Variants in CFAP43 observed in about 807,000 individuals in gnomAD.
CFAP43 encodes the protein cilia- and flagella-associated protein 43.
CFAP43 carries 155 observed loss-of-function variants against 218.9 expected under a neutral mutation model. That is an observed-to-expected ratio of 0.71 (90% CI 0.62 to 0.81). The LOEUF (loss-of-function observed/expected upper bound fraction) is 0.81. Ranked by LOEUF, CFAP43 falls within the 30% of genes least tolerant of loss-of-function variation. CFAP43 has a pLI of 0.00. For synonymous variants in CFAP43, 645 were observed against 681.3 expected, an observed-to-expected ratio of 0.95 and a Z score of 0.83; for missense variants, 1,778 against 1,954.3, an observed-to-expected ratio of 0.91 and a Z score of 1.70.
intron 27 of CFAP43, among the ~76,000 whole-genome samples, chr10:104,157,440 G>T (rs940237378): frequency 6.6e-6 from 1 of 152,162 alleles, no homozygotes; most frequent in Non-Finnish European, 1.5e-5. Flanking sequence ...GACATTATGC[G>T]TTGTGCTCAT....
rs192789668 is a variant in CFAP43 at position 104,167,950 on chromosome 10, G to A, written c.2692-213C>T. Among the ~76,000 whole-genome samples, 5 of 152,210 alleles carry A rather than the reference G, an allele frequency of 3.3e-5. No homozygotes were observed. The East Asian group carries it at 9.6e-4, about 29-fold the overall frequency. ...ATAAAATACTGTGCTTTTGTGAAGG[G>A]CTGATTTTTAGGTCAGTAGTTCTCA... On this transcript the variant is annotated intron_variant, in intron 21 of 37. Coordinates refer to ENST00000357060, the MANE Select transcript of CFAP43 (RefSeq NM_025145.7).
At chr10:104,164,032 A>C (rs1222610282) in intron 24 of CFAP43, 62 bp downstream of exon 24, 2 of 1,562,650 alleles carry the variant, frequency 1.3e-6, no homozygotes, top group African/African-American at 1.4e-5. Context: ...CAAGTTGAAC[A>C]AATAGGAGCT....
At chr10:104,179,956 G>A (rs932407360) in intron 17 of CFAP43, 24 bp from the exon 18 acceptor site, 2 of 1,572,510 alleles carry the variant, frequency 1.3e-6, no homozygotes, top group African/African-American at 2.7e-5. Flanking sequence ...GAAAAAGACA[G>A]ACATGTCTTA....
intron 27 of CFAP43, among the ~76,000 whole-genome samples, chr10:104,157,355 A>G (rs1211250952): frequency 6.6e-6 from 1 of 152,236 alleles, no homozygotes; most frequent in Non-Finnish European, 1.5e-5. Context: ...AGTATTTGGA[A>G]TGTTTTACAT....
chr10:104,184,992 T>TA, intron 16 of CFAP43, 24 bp downstream of exon 16: 1 of 1,612,198 alleles, frequency 6.2e-7, no homozygotes, highest in South Asian at 1.1e-5. Flanking sequence ...CTACATGGGG[T>TA]TACTTACTGA....
chr10:104,198,706 G>A (rs611372), intron 8 of CFAP43, among the ~76,000 whole-genome samples: 71,680 of 151,574 alleles, frequency 0.47, 17,897 homozygotes, highest in African/African-American at 0.66. Flanking sequence ...GCTGGAGTGC[G>A]ATGGCGGAAT....
rs1197134643 is a variant in CFAP43, at chr10:104,197,997, T to G, written c.1137A>C (p.Leu379Phe). 1 of 1,613,850 alleles carries G rather than the reference T, an allele frequency of 6.2e-7. No individual in the cohort carries two copies. Among genetic ancestry groups the G allele is most frequent in the Non-Finnish European group, 8.5e-7 (1 of 1,179,766 alleles). The change falls in exon 9 of 38, where the codon TTA (leucine) becomes TTC (phenylalanine). Residue 379 changes from leucine (L) to phenylalanine (F), a missense_variant. Coordinates refer to ENST00000357060, the MANE Select transcript of CFAP43 (RefSeq NM_025145.7). The stretch of plus-strand genomic sequence containing the variant: ...CATCACAAGCATCTAGGACTTTATT[T>G]AAGGTTGGCTCCTTACCAAAAGTGT... ...YIYTFGKEPT[L>F]NKVLDACDGK...
chr10:104,187,360 C>A lies in CFAP43; in HGVS notation c.1820G>T (p.Ser607Ile). Residue 607 changes from serine to isoleucine, a missense_variant, in exon 14 of 38, where the codon AGT becomes ATT. Ser to Ile is a moderately radical substitution (Grantham distance 142). Transcript: ENST00000357060. ...GTAGCTACAGATGTATGGCACTTGA[C>A]TACAGAAGCCATATATTTGGTTACT... is the stretch of plus-strand genomic sequence containing the variant. ...FQSNQIYGFC[S>I]QVPYICSYLL... The A allele has an allele frequency of 6.2e-7, 1 of 1,610,584 alleles. No homozygotes were observed. The highest frequency in any genetic ancestry group is 8.5e-7 in the Non-Finnish European group (1 of 1,179,068).
At chr10:104,137,643 AC>A (rs1214525678) in intron 34 of CFAP43, among the ~76,000 whole-genome samples, 1 of 152,066 alleles carries the variant, frequency 6.6e-6, no homozygotes, top group African/African-American at 2.4e-5. Context: ...CCCCATCTCT[AC>A]CAAAAAAATA....
At chr10:104,182,738 G>T (rs150693825) in intron 16 of CFAP43, among the ~76,000 whole-genome samples, 4 of 151,896 alleles carry the variant, frequency 2.6e-5, no homozygotes, top group Non-Finnish European at 4.4e-5. Context: ...AAGAGAAAGG[G>T]TCTTGCTCTG....
chr10:104,161,819 T>C (rs1047362860), intron 26 of CFAP43, 142 bp downstream of exon 26: 1 of 701,796 alleles, frequency 1.4e-6, no homozygotes, highest in African/African-American at 1.8e-5. Flanking sequence ...ATGTGGTAGG[T>C]TTATAAGGTA....
intron 19 of CFAP43, among the ~76,000 whole-genome samples, chr10:104,175,758 C>A (rs1271108186): frequency 6.6e-6 from 1 of 152,138 alleles, no homozygotes; most frequent in Non-Finnish European, 1.5e-5. Flanking sequence ...TGCCACCACG[C>A]CCAAGTTTCT....
At chr10:104,214,927 G>C (rs1487912622) in intron 3 of CFAP43, among the ~76,000 whole-genome samples, 22 of 152,010 alleles carry the variant, frequency 1.4e-4, no homozygotes, top group Admixed American at 1.0e-3. Flanking sequence ...CACGAGGTCA[G>C]GAGTTCAAGA....
chr10:104,202,930 T>C (rs968549763), intron 8 of CFAP43, among the ~76,000 whole-genome samples: 2 of 152,186 alleles, frequency 1.3e-5, no homozygotes, highest in African/African-American at 4.8e-5. Flanking sequence ...TTGCAATTCA[T>C]CTAAAATGAT....
In CFAP43 at chr10:104,206,893, G is replaced by A. The variant is rs527490836; in HGVS notation, c.895+772C>T. Among the ~76,000 whole-genome samples the A allele has an allele frequency of 2.4e-4, 36 of 152,268 alleles. No homozygotes were observed. The South Asian group carries it at 6.2e-3, about 26-fold the overall frequency. On this transcript the variant is annotated intron_variant, in intron 6 of 37. Transcript: ENST00000357060. ...TTTCAAATTCTAGCTGAGCAATATG[G>A]CAGGGTGTGGTGGCTCCTGCCTGTA... is the stretch of plus-strand genomic sequence containing the variant.
chr10:104,219,990 C>G (rs1019655999), intron 3 of CFAP43, among the ~76,000 whole-genome samples: 1 of 152,086 alleles, frequency 6.6e-6, no homozygotes, highest in Non-Finnish European at 1.5e-5. Flanking sequence ...AGAATGTGAC[C>G]TTATTTGGAA....
At chr10:104,161,183 A>G (rs769396624) in intron 26 of CFAP43, 21 bp from the exon 27 acceptor site, 3 of 1,609,670 alleles carry the variant, frequency 1.9e-6, no homozygotes, top group South Asian at 2.2e-5. Context: ...GAAGAAAAGC[A>G]TATATTTCAG....
intron 37 of CFAP43, 141 bp downstream of exon 37, chr10:104,131,190 C>G (rs2087173969): frequency 9.3e-7 from 1 of 1,076,194 alleles, no homozygotes; most frequent in Non-Finnish European, 1.3e-6. Flanking sequence ...CTCCCTGAAT[C>G]TAAAATAAAA....
intron 20 of CFAP43, among the ~76,000 whole-genome samples, chr10:104,170,886 A>G (rs2089380574): frequency 1.3e-5 from 2 of 152,152 alleles, no homozygotes; most frequent in South Asian, 4.2e-4. Flanking sequence ...TCATTCCATT[A>G]GGCTCTCTCC....
Sources: allele counts gnomAD v4.1 joint callset (sites outside exome capture counted in the v4.1 genomes callset), GRCh38; gene constraint gnomAD v4.1.1; transcripts MANE v1.5; gene names NCBI Gene and HGNC (gene_info 2026-07-23, HGNC 2026-07-21).